WWOX: variants seen among roughly 807,000 people sequenced by gnomAD.
The protein encoded by WWOX is WW domain containing oxidoreductase.
WWOX carries 69 observed loss-of-function variants against 46.2 expected under a neutral mutation model. That is an observed-to-expected ratio of 1.49 (90% confidence interval 1.23 to 1.82). The LOEUF is 1.82. WWOX is among the 40% of genes most tolerant of loss of function. The probability of loss-of-function intolerance (pLI) is 0.00; values close to 1 mark genes in which losing one functional copy is unlikely to be tolerated. For missense variants in WWOX, 919 were observed against 542.6 expected (o/e 1.69, Z -6.89); for synonymous variants, 359 against 202.6 (o/e 1.77, Z -6.56).
chr16:78,164,376 G>A (rs2034904335), intron 5 of WWOX, 87 bp downstream of exon 5: 2 of 1,166,942 alleles, frequency 1.7e-6, no homozygotes, highest in South Asian at 2.6e-5. Context: ...AGTGTGTAAA[G>A]TTTATTGCTC....
chr16:78,422,128 C>G (rs1186076378), intron 6 of WWOX, among the ~76,000 whole-genome samples: 1 of 152,064 alleles, frequency 6.6e-6, no homozygotes, highest in Non-Finnish European at 1.5e-5. Flanking sequence ...GCCACTGTTT[C>G]TGTTAGACTC....
At chr16:78,677,579 C>G (rs968482648) in intron 8 of WWOX, among the ~76,000 whole-genome samples, 2 of 152,184 alleles carry the variant, frequency 1.3e-5, no homozygotes, top group Admixed American at 1.3e-4. Flanking sequence ...CATGCAACCC[C>G]CAAAACTCCA....
chr16:79,187,830 C>G (rs1474655351), intron 8 of WWOX, among the ~76,000 whole-genome samples: 1 of 152,252 alleles, frequency 6.6e-6, no homozygotes, highest in East Asian at 1.9e-4. Context: ...GCGTGAGCCA[C>G]CATGCCTGGC....
In WWOX at chr16:78,108,308, C is replaced by T. The variant is rs569903668; in HGVS notation, c.108-115C>T. On this transcript the variant is annotated intron_variant, in intron 1 of 8. Transcript: ENST00000566780. ...GTCACAGTCCTCTTTCTCCTTCTTC[C>T]CCCTACTTCCTTCTTATATCTGGCT... is the stretch of plus-strand genomic sequence containing the variant. 49 of 1,025,834 alleles carry T rather than the reference C, an allele frequency of 4.8e-5. No homozygotes were observed. In the South Asian group the frequency reaches 6.3e-4, roughly 13 times the overall value. The allele number at this position is 1,025,834 out of a possible 1,614,324, so 63.5% of individuals were successfully genotyped here. A position where few individuals can be genotyped will look rare whatever the true frequency, so the allele number is the denominator to read the frequency against.
At chr16:78,515,065 C>A (rs929517028) in intron 8 of WWOX, among the ~76,000 whole-genome samples, 3 of 150,996 alleles carry the variant, frequency 2.0e-5, no homozygotes, top group Admixed American at 6.6e-5. Flanking sequence ...ACTAAAAATA[C>A]AAAAAAAAAT....
intron 8 of WWOX, among the ~76,000 whole-genome samples, chr16:78,720,902 G>C (rs57066316): frequency 0.027 from 4,089 of 152,158 alleles, 77 homozygotes; most frequent in African/African-American, 0.052. Flanking sequence ...TAAAAGATAA[G>C]TTCCTCCCCC....
intron 5 of WWOX, among the ~76,000 whole-genome samples, chr16:78,279,304 A>G (rs1444611253): frequency 6.6e-6 from 1 of 152,094 alleles, no homozygotes; most frequent in Non-Finnish European, 1.5e-5. Flanking sequence ...CATATTAAGT[A>G]TTTTGCAAAT....
At chr16:79,074,409 C>CTTTTTTTTGTTTTTTTTTT (rs2048612463) in intron 8 of WWOX, among the ~76,000 whole-genome samples, 1 of 30,974 alleles carries the variant, frequency 3.2e-5, no homozygotes, top group Admixed American at 5.9e-4. Context: ...GTCACTAGTC[C>CTTTTTTTTGTTTTTTTTTT]TTTTTTTTTT....
chr16:78,769,274 T>A (rs1480449597), intron 8 of WWOX, among the ~76,000 whole-genome samples: 1 of 151,438 alleles, frequency 6.6e-6, no homozygotes, highest in Non-Finnish European at 1.5e-5. Context: ...TTGGGGGGAG[T>A]CACCATCGTC....
At chr16:78,867,208 G>A (rs553742623) in intron 8 of WWOX, among the ~76,000 whole-genome samples, 3 of 152,322 alleles carry the variant, frequency 2.0e-5, no homozygotes, top group African/African-American at 7.2e-5. Flanking sequence ...GCACACTGGT[G>A]AGTGGGGGAG....
chr16:78,977,480 C>G (rs1012630853), intron 8 of WWOX, among the ~76,000 whole-genome samples: 1 of 152,170 alleles, frequency 6.6e-6, no homozygotes, highest in Non-Finnish European at 1.5e-5. Context: ...TAGGCCTGTC[C>G]TTTACTTTAT....
At chr16:78,755,170 C>G (rs945120368) in intron 8 of WWOX, among the ~76,000 whole-genome samples, 1 of 141,336 alleles carries the variant, frequency 7.1e-6, no homozygotes, top group Non-Finnish European at 1.5e-5. Flanking sequence ...ACCTATGTAA[C>G]AAGGCTGCAT....
chr16:78,123,022 A>G lies in WWOX; in HGVS notation c.409+7868A>G, dbSNP rs2033173631. Among the ~76,000 whole-genome samples, 3 of 152,202 alleles carry G rather than the reference A, an allele frequency of 2.0e-5. No homozygotes were observed. In the South Asian group the frequency reaches 6.2e-4, roughly 31 times the overall value. The stretch of plus-strand genomic sequence containing the variant: ...ATTAAACAAAAGAGGCAGCATTGCA[A>G]TATAGTTCTGTTCCTCTCAGTCCAT... On this transcript the variant is annotated intron_variant, in intron 4 of 8. Transcript: ENST00000566780.
At chr16:78,126,344 G>A (rs754222589) in intron 4 of WWOX, among the ~76,000 whole-genome samples, 4 of 152,152 alleles carry the variant, frequency 2.6e-5, no homozygotes, top group Non-Finnish European at 4.4e-5. Flanking sequence ...CTGGAAGATT[G>A]TACCAATTTG....
chr16:78,832,541 C>T (rs2051860255), intron 8 of WWOX, among the ~76,000 whole-genome samples: 1 of 152,216 alleles, frequency 6.6e-6, no homozygotes. Flanking sequence ...CCACTCCACA[C>T]ACCCTGACTC....
intron 8 of WWOX, among the ~76,000 whole-genome samples, chr16:78,479,318 A>G (rs963762411): frequency 2.6e-5 from 4 of 152,238 alleles, no homozygotes; most frequent in Non-Finnish European, 2.9e-5. Flanking sequence ...TTATCTAGAG[A>G]GAAAGATTAA....
chr16:78,777,438 G>GT (rs1288349662), intron 8 of WWOX, among the ~76,000 whole-genome samples: 1 of 152,182 alleles, frequency 6.6e-6, no homozygotes, highest in Non-Finnish European at 1.5e-5. Flanking sequence ...AGTAGCTGAT[G>GT]TGTCTAGTGG....
chr16:79,021,474 C>G (rs2047531851), intron 8 of WWOX, among the ~76,000 whole-genome samples: 3 of 152,050 alleles, frequency 2.0e-5, no homozygotes, highest in Non-Finnish European at 2.9e-5. Flanking sequence ...ATACAGTTGT[C>G]AAAATATTAA....
intron 8 of WWOX, among the ~76,000 whole-genome samples, chr16:78,655,228 C>T (rs933762459): frequency 1.3e-5 from 2 of 152,160 alleles, no homozygotes; most frequent in African/African-American, 4.8e-5. Context: ...TGCTCTCCGT[C>T]TCTGCCTCAT....
Sources: gnomAD v4.1 joint callset for allele counts (sites outside exome capture counted in the v4.1 genomes callset) on GRCh38, gnomAD v4.1.1 for gene constraint, MANE v1.5 for transcripts, NCBI Gene and HGNC (gene_info 2026-07-23, HGNC 2026-07-21) for gene names.